The following TRPM3 variants were observed in gnomAD, a reference collection of about 807,000 sequenced individuals.
TRPM3 encodes transient receptor potential cation channel subfamily M member 3, also known as long transient receptor potential channel 3.
A neutral mutation model predicts 181.2 loss-of-function variants in TRPM3; 77 were observed. The observed-to-expected ratio is 0.42, with a 90% CI of 0.35 to 0.51. The LOEUF is 0.51. Among genes scored for constraint, TRPM3 ranks in the 20% least tolerant of loss-of-function variants. The probability of loss-of-function intolerance (pLI) is 0.01; values close to 1 mark genes in which losing one functional copy is unlikely to be tolerated. For synonymous variants in TRPM3, 745 were observed against 796.4 expected (o/e 0.94, Z 1.09); for missense variants, 1,759 against 2,196.7 (o/e 0.80, Z 3.98).
chr9:70,686,712 T>A (rs1465189124), intron 8 of TRPM3, among the ~76,000 whole-genome samples: 5 of 127,656 alleles, frequency 3.9e-5, no homozygotes, highest in African/African-American at 1.2e-4. Flanking sequence ...CTTCCTTCCT[T>A]CCTTCCTTCC....
chr9:71,014,839 GATAGCTTAT>G (rs1180575803), intron 1 of TRPM3, among the ~76,000 whole-genome samples: 1 of 151,908 alleles, frequency 6.6e-6, no homozygotes, highest in Non-Finnish European at 1.5e-5. Flanking sequence ...CATTTATGGG[GATAGCTTAT>G]ATGTTTTGTC....
chr9:71,133,967 GTGTGTT>G (rs1361792835), intron 1 of TRPM3, among the ~76,000 whole-genome samples: 2 of 89,200 alleles, frequency 2.2e-5, no homozygotes, highest in Non-Finnish European at 4.4e-5. Context: ...TCTAAACTGT[GTGTGTT>G]TGTGTGTGTG....
At chr9:70,947,652 G>A (rs924465241) in intron 1 of TRPM3, among the ~76,000 whole-genome samples, 1 of 152,132 alleles carries the variant, frequency 6.6e-6, no homozygotes, top group Non-Finnish European at 1.5e-5. Context: ...AAGGTGGGGG[G>A]ATGGAGAGAC....
chr9:71,015,228 G>A (rs2097775272), intron 1 of TRPM3, among the ~76,000 whole-genome samples: 1 of 152,032 alleles, frequency 6.6e-6, no homozygotes, highest in South Asian at 2.1e-4. Flanking sequence ...CATGCAAATT[G>A]GTCCTTCAGT....
intron 1 of TRPM3, among the ~76,000 whole-genome samples, chr9:71,420,955 G>GAGAGAAAAAGGGAGAGAAAAAGGA (rs2093752646): frequency 7.3e-6 from 1 of 136,926 alleles, no homozygotes; most frequent in South Asian, 2.3e-4. Flanking sequence ...GAGAAAAAGG[G>GAGAGAAAAAGGGAGAGAAAAAGGA]AGAGAAAAAG....
chr9:70,774,404 A>C (rs2080939790), intron 7 of TRPM3: 1 of 152,242 alleles, frequency 6.6e-6, no homozygotes, highest in South Asian at 2.1e-4. Flanking sequence ...AAAATATATT[A>C]TACATGTAAC....
chr9:71,065,856 G>C (rs1283706696), intron 1 of TRPM3, among the ~76,000 whole-genome samples: 1 of 152,160 alleles, frequency 6.6e-6, no homozygotes, highest in Non-Finnish European at 1.5e-5. Context: ...CACAATACGT[G>C]TGAGCCTGGG....
At chr9:71,430,379 G>A (rs915166242) in intron 1 of TRPM3, among the ~76,000 whole-genome samples, 5 of 152,180 alleles carry the variant, frequency 3.3e-5, no homozygotes, top group African/African-American at 1.2e-4. Flanking sequence ...AGATGGGAAA[G>A]AATGGATGGA....
intron 22 of TRPM3, among the ~76,000 whole-genome samples, chr9:70,569,823 T>C (rs1046653642): frequency 1.3e-5 from 2 of 152,210 alleles, no homozygotes; most frequent in East Asian, 1.9e-4. Context: ...CAGTGTTCTT[T>C]TCATTTAATT....
rs553792108 is a variant in TRPM3, at chr9:71,194,801, A to G, written c.183+251852T>C. Among the ~76,000 whole-genome samples, 9 of 152,072 alleles carry G rather than the reference A, an allele frequency of 5.9e-5. No individual in the cohort carries two copies. The East Asian group carries it at 1.2e-3, about 20-fold the overall frequency. ...TTGGGAGTATGCAACACTTATTTTAAAAAGAAAAAAAAAAGAAAACCTTTA... is the reference window on the plus strand; with the variant it reads ...TTGGGAGTATGCAACACTTATTTTAGAAAGAAAAAAAAAAGAAAACCTTTA... On this transcript the variant is annotated intron_variant, in intron 1 of 24. Coordinates refer to the TRPM3 transcript ENST00000357533.
chr9:70,851,046 T>C (rs10780978), intron 3 of TRPM3, among the ~76,000 whole-genome samples: 55,732 of 151,986 alleles, frequency 0.37, 10,615 homozygotes, highest in Non-Finnish European at 0.39. Flanking sequence ...GTTGTTATGA[T>C]TGTGGCTTTT....
At chr9:70,586,343 T>C (rs909373513) in intron 22 of TRPM3, among the ~76,000 whole-genome samples, 2 of 152,234 alleles carry the variant, frequency 1.3e-5, no homozygotes, top group African/African-American at 4.8e-5. Flanking sequence ...GCTAATTAAA[T>C]GTTATGACAA....
chr9:71,376,661 G>A (rs2092674523), intron 1 of TRPM3, among the ~76,000 whole-genome samples: 1 of 151,954 alleles, frequency 6.6e-6, no homozygotes, highest in African/African-American at 2.4e-5. Flanking sequence ...GATCAATACA[G>A]TCATAATTCC....
intron 24 of TRPM3, among the ~76,000 whole-genome samples, chr9:70,551,416 G>C (rs1165650391): frequency 6.6e-6 from 1 of 152,120 alleles, no homozygotes; most frequent in Admixed American, 6.5e-5. Context: ...CAATGCTTTC[G>C]TTGCTACCAT....
chr9:71,085,211 T>C (rs1221558788), intron 1 of TRPM3, among the ~76,000 whole-genome samples: 1 of 152,062 alleles, frequency 6.6e-6, no homozygotes, highest in African/African-American at 2.4e-5. Flanking sequence ...ATTCTGGACA[T>C]AGGACTTGGG....
intron 1 of TRPM3, among the ~76,000 whole-genome samples, chr9:71,340,276 T>C (rs187598615): frequency 6.6e-6 from 1 of 152,242 alleles, no homozygotes; most frequent in Admixed American, 6.6e-5. Context: ...GTGAAAGGTA[T>C]CAGTATGGAC....
chr9:70,913,949 G>T (rs2096564375), intron 1 of TRPM3, among the ~76,000 whole-genome samples: 1 of 152,164 alleles, frequency 6.6e-6, no homozygotes, highest in Admixed American at 6.5e-5. Context: ...AAAGAATAAA[G>T]AAATGAAGGT....
chr9:71,147,447 A>ACACT (rs1216136354), intron 1 of TRPM3, among the ~76,000 whole-genome samples: 1 of 151,492 alleles, frequency 6.6e-6, no homozygotes, highest in Non-Finnish European at 1.5e-5. Flanking sequence ...ACACACACAC[A>ACACT]CACACACACA....
intron 8 of TRPM3, among the ~76,000 whole-genome samples, chr9:70,742,041 TAA>T (rs1266619132): frequency 2.6e-5 from 4 of 152,168 alleles, no homozygotes; most frequent in Non-Finnish European, 5.9e-5. Context: ...TTTTGTTTTT[TAA>T]AGTTTTTTAA....
Sources: gnomAD v4.1 joint callset for allele counts (sites outside exome capture counted in the v4.1 genomes callset) on GRCh38, gnomAD v4.1.1 for gene constraint, MANE v1.5 for transcripts, NCBI Gene and HGNC (gene_info 2026-07-23, HGNC 2026-07-21) for gene names.